Variants in KCNMA1 observed in about 807,000 individuals in gnomAD.
The protein encoded by KCNMA1 is Calcium-activated potassium channel subunit alpha-1.
KCNMA1 carries 29 observed loss-of-function variants against 140.0 expected under a neutral mutation model. That is an observed-to-expected ratio of 0.21 (90% CI 0.15 to 0.28). The LOEUF is 0.28. Ranked by LOEUF, KCNMA1 falls within the 10% of genes least tolerant of loss-of-function variation. The pLI is 1.00. For missense variants in KCNMA1, 880 were observed against 1,602.2 expected, an observed-to-expected ratio of 0.55 and a Z score of 7.70; for synonymous variants, 612 against 611.9, an observed-to-expected ratio of 1.00 and a Z score of 0.00.
intron 5 of KCNMA1, among the ~76,000 whole-genome samples, chr10:77,127,851 G>A (rs1345436626): frequency 1.3e-5 from 2 of 152,142 alleles, no homozygotes; most frequent in Non-Finnish European, 2.9e-5. Flanking sequence ...GTATGTGCCT[G>A]TAATCCCAGC....
At chr10:77,227,482 C>A (rs1415314798) in intron 3 of KCNMA1, among the ~76,000 whole-genome samples, 1 of 152,116 alleles carries the variant, frequency 6.6e-6, no homozygotes, top group East Asian at 1.9e-4. Flanking sequence ...CCACCAGTTC[C>A]CAGAAATATT....
intron 1 of KCNMA1, chr10:77,636,984 C>A (rs1445841605): frequency 2.8e-5 from 40 of 1,410,060 alleles, no homozygotes; most frequent in Non-Finnish European, 3.7e-5. Flanking sequence ...CGACCCCGGC[C>A]CCAGCCGCAG....
intron 16 of KCNMA1, among the ~76,000 whole-genome samples, chr10:77,021,841 C>T (rs1047527417): frequency 1.3e-5 from 2 of 152,122 alleles, no homozygotes; most frequent in African/African-American, 2.4e-5. Context: ...AGAATGGATC[C>T]AGTCCTTGAA....
intron 17 of KCNMA1, among the ~76,000 whole-genome samples, chr10:77,018,551 T>C (rs548025931): frequency 1.3e-5 from 2 of 152,306 alleles, no homozygotes; most frequent in South Asian, 2.1e-4. Context: ...AGGCCACAAA[T>C]AGAAATAGAG....
intron 19 of KCNMA1, chr10:76,980,181 T>G (rs2079010482): frequency 6.6e-6 from 1 of 152,222 alleles, no homozygotes. Context: ...CACCCTCTTT[T>G]GCGTCATAGC....
At chr10:77,236,266 C>T (rs545310720) in intron 3 of KCNMA1, among the ~76,000 whole-genome samples, 80 of 152,262 alleles carry the variant, frequency 5.3e-4, no homozygotes, top group African/African-American at 1.9e-3. Context: ...TGGATCTTTC[C>T]CAGACTCTGG....
chr10:77,298,758 C>A (rs899840456), intron 2 of KCNMA1, among the ~76,000 whole-genome samples: 1 of 152,172 alleles, frequency 6.6e-6, no homozygotes, highest in Non-Finnish European at 1.5e-5. Flanking sequence ...AAATGGCCCT[C>A]GGCATCCAGC....
chr10:77,200,715 G>C (rs1469957329), intron 3 of KCNMA1, among the ~76,000 whole-genome samples: 2 of 151,792 alleles, frequency 1.3e-5, no homozygotes, highest in African/African-American at 4.8e-5. Context: ...ATTATAGTTA[G>C]AATCGACATA....
At chr10:77,258,179 A>C (rs998050475) in intron 2 of KCNMA1, among the ~76,000 whole-genome samples, 2 of 152,236 alleles carry the variant, frequency 1.3e-5, no homozygotes, top group African/African-American at 4.8e-5. Flanking sequence ...TTTTGGCTTG[A>C]AAAGGTAGCC....
chr10:77,008,058 C>T (rs2089628147), intron 18 of KCNMA1: 1 of 938,894 alleles, frequency 1.1e-6, no homozygotes. Context: ...GATGTCACTG[C>T]TACATGCAAC....
chr10:77,619,383 T>C (rs2090685400), intron 1 of KCNMA1, among the ~76,000 whole-genome samples: 1 of 151,804 alleles, frequency 6.6e-6, no homozygotes, highest in South Asian at 2.1e-4. Flanking sequence ...ACTCTCGCTC[T>C]TCCCCCTGTA....
intron 2 of KCNMA1, among the ~76,000 whole-genome samples, chr10:77,359,986 C>T (rs964321093): frequency 6.6e-5 from 10 of 151,882 alleles, no homozygotes; most frequent in African/African-American, 1.7e-4. Flanking sequence ...CAGAGCAAAG[C>T]GATAAGAAGA....
chr10:77,236,002 T>C (rs962652174), intron 3 of KCNMA1, among the ~76,000 whole-genome samples: 7 of 152,042 alleles, frequency 4.6e-5, no homozygotes, highest in Non-Finnish European at 8.8e-5. Context: ...TGCCAGAAAG[T>C]CTAACAATGT....
At chr10:77,586,471 A>G (rs769389517) in intron 1 of KCNMA1, 3 of 152,238 alleles carry the variant, frequency 2.0e-5, no homozygotes, top group Non-Finnish European at 2.9e-5. Flanking sequence ...GTTTCATTTC[A>G]TGAACAAAAT....
chr10:77,452,215 C>T (rs189680157), intron 1 of KCNMA1, among the ~76,000 whole-genome samples: 1 of 152,318 alleles, frequency 6.6e-6, no homozygotes, highest in African/African-American at 2.4e-5. Context: ...GACAGTAAGA[C>T]TGGCCATGCC....
chr10:76,910,240 G>T (rs2049576397), intron 24 of KCNMA1, 144 bp from the exon 25 acceptor site: 1 of 854,820 alleles, frequency 1.2e-6, no homozygotes, highest in Non-Finnish European at 1.9e-6. Context: ...TGGATCTTTG[G>T]GTAAGGGGGG....
At chr10:77,606,082 T>C (rs1170225942) in intron 1 of KCNMA1, among the ~76,000 whole-genome samples, 2 of 152,164 alleles carry the variant, frequency 1.3e-5, no homozygotes, top group Non-Finnish European at 2.9e-5. Flanking sequence ...CCTAGACCCA[T>C]GGCTCAGGCT....
intron 25 of KCNMA1, among the ~76,000 whole-genome samples, chr10:76,900,676 T>G (rs949581955): frequency 1.3e-5 from 2 of 152,070 alleles, no homozygotes; most frequent in African/African-American, 4.8e-5. Flanking sequence ...CTGAATTCAC[T>G]ATATAAAATA....
intron 5 of KCNMA1, among the ~76,000 whole-genome samples, chr10:77,163,428 T>C (rs2098594647): frequency 6.6e-6 from 1 of 152,228 alleles, no homozygotes; most frequent in South Asian, 2.1e-4. Flanking sequence ...AGAATTTTGC[T>C]GACCCTTATT....
Sources: allele counts gnomAD v4.1 joint callset (sites outside exome capture counted in the v4.1 genomes callset), GRCh38; gene constraint gnomAD v4.1.1; transcripts MANE v1.5; gene names NCBI Gene and HGNC (gene_info 2026-07-23, HGNC 2026-07-21).